Variants in NFASC observed in about 807,000 individuals in gnomAD.
NFASC encodes neurofascin.
NFASC carries 43 observed loss-of-function variants against 147.5 expected under a neutral mutation model. The ratio of observed to expected loss-of-function variants is 0.29; its 90% CI spans 0.23 to 0.38. NFASC has a LOEUF of 0.38. Ranked by LOEUF, NFASC falls within the 10% of genes least tolerant of loss-of-function variation. The pLI is 1.00. For synonymous variants in NFASC, 622 were observed against 665.5 expected, an observed-to-expected ratio of 0.93 and a Z score of 1.01; for missense variants, 1,320 against 1,689.0, an observed-to-expected ratio of 0.78 and a Z score of 3.83.
chr1:204,867,328 C>T (rs1009607456), intron 1 of NFASC, among the ~76,000 whole-genome samples: 3 of 152,012 alleles, frequency 2.0e-5, no homozygotes, highest in African/African-American at 7.3e-5. Flanking sequence ...CACAAACACA[C>T]ATACAGGAAC....
At chr1:204,830,314 G>A (rs949834613) in intron 1 of NFASC, among the ~76,000 whole-genome samples, 1 of 152,150 alleles carries the variant, frequency 6.6e-6, no homozygotes, top group Admixed American at 6.5e-5. Context: ...AATAGCCCAG[G>A]GAAAATGTGT....
At chr1:204,981,716 G>T in intron 20 of NFASC, 82 bp from the exon 21 acceptor site, 1 of 883,242 alleles carries the variant, frequency 1.1e-6, no homozygotes, top group East Asian at 2.8e-5. Context: ...AGGGATGCCT[G>T]GCACAGCAAG....
intron 2 of NFASC, among the ~76,000 whole-genome samples, chr1:204,940,696 A>G (rs2093304887): frequency 1.3e-5 from 2 of 152,176 alleles, no homozygotes; most frequent in South Asian, 4.1e-4. Flanking sequence ...CTATGGGATC[A>G]TTCCCTGTGA....
intron 8 of NFASC, among the ~76,000 whole-genome samples, chr1:204,959,480 G>A (rs2094567091): frequency 6.6e-6 from 1 of 152,262 alleles, no homozygotes; most frequent in South Asian, 2.1e-4. Context: ...GAAGGACAGT[G>A]TAGTCTGCCC....
intron 8 of NFASC, among the ~76,000 whole-genome samples, chr1:204,964,897 A>G (rs1161955492): frequency 6.6e-6 from 1 of 152,218 alleles, no homozygotes; most frequent in Non-Finnish European, 1.5e-5. Context: ...TGTTTCCTCA[A>G]AAGAGATGAT....
intron 1 of NFASC, among the ~76,000 whole-genome samples, chr1:204,863,755 G>A (rs527466368): frequency 6.2e-4 from 94 of 150,692 alleles, no homozygotes; most frequent in Non-Finnish European, 1.2e-3. Flanking sequence ...GCCTGAGCCA[G>A]AAGAATTGCT....
chr1:204,967,951 C>CCGAATCAT, intron 8 of NFASC: 1 of 312,078 alleles, frequency 3.2e-6, no homozygotes. Flanking sequence ...TCTCGCACTG[C>CCGAATCAT]TCAGACAGCC....
At chr1:204,887,527 G>A (rs1387120182) in intron 1 of NFASC, among the ~76,000 whole-genome samples, 2 of 147,192 alleles carry the variant, frequency 1.4e-5, no homozygotes, top group Non-Finnish European at 3.0e-5. Context: ...TGGATATGAT[G>A]TGGAATTGCT....
intron 1 of NFASC, among the ~76,000 whole-genome samples, chr1:204,861,646 C>T (rs559607700): frequency 2.0e-5 from 3 of 152,288 alleles, no homozygotes; most frequent in East Asian, 1.9e-4. Flanking sequence ...CCTGCCACCA[C>T]GCCCGGCTAA....
rs141464192 is a variant in NFASC, at chr1:204,872,441, C to T, written c.-200+43659C>T. 2.1e-4 allele frequency among the ~76,000 whole-genome samples: 32 copies of T among 152,280 alleles called. No homozygotes were observed. In the East Asian group the frequency reaches 5.8e-3, roughly 28 times the overall value. On this transcript the variant is annotated intron_variant, in intron 1 of 29. Transcript: ENST00000339876. The stretch of plus-strand genomic sequence containing the variant: ...AAGCATCTGCATGCTCCTGGGAGCA[C>T]TGTTTCTGTGGTTTATTGCTGGGCT...
Position 204,997,346 on chromosome 1 carries a change from GCCA to G in NFASC, c.2970_2972del (p.Thr991del), listed in dbSNP as rs1264011137. The G allele has an allele frequency of 2.6e-5, 40 of 1,561,326 alleles. No homozygotes were observed. Among genetic ancestry groups the G allele is most frequent in the Admixed American group, 3.9e-5 (2 of 51,676 alleles). On this transcript the variant is annotated inframe_deletion, in exon 25 of 30. Transcript: ENST00000339876. Reference sequence around the variant, plus strand: ...CACAACTACTACAACCACTGCTGCCGCCACCACCACCACGGAGAGTCCTCCCAC... The same window carrying G: ...CACAACTACTACAACCACTGCTGCCGCCACCACCACGGAGAGTCCTCCCAC...
At chr1:204,831,552 C>T (rs1027279475) in intron 1 of NFASC, among the ~76,000 whole-genome samples, 2 of 152,052 alleles carry the variant, frequency 1.3e-5, no homozygotes, top group African/African-American at 4.8e-5. Flanking sequence ...TCTTCTCCCT[C>T]AGGCTTTTTT....
chr1:204,945,492 G>GC (rs1369440669), intron 3 of NFASC, among the ~76,000 whole-genome samples: 1 of 150,924 alleles, frequency 6.6e-6, no homozygotes, highest in East Asian at 1.9e-4. Flanking sequence ...AGCCCTCCTG[G>GC]CACTCTACTT....
In NFASC at chr1:204,970,644, G is replaced by T; in HGVS notation, c.1032G>T (p.Lys344Asn). ...KAAPYWLDEPKNLILAPGEDG... is the reference protein window; with the variant it reads ...KAAPYWLDEPNNLILAPGEDG... ...CTCCCTACTGGCTGGACGAACCCAA[G>T]AACCTTATTCTGGCTCCTGGCGAGG... The change falls in exon 11 of 30, where the codon AAG (lysine) becomes AAT (asparagine). Residue 344 changes from lysine to asparagine, a missense_variant. Transcript: ENST00000339876. 6.2e-7 allele frequency: 1 copy of T among 1,614,128 alleles called. No individual in the cohort carries two copies. The highest frequency in any genetic ancestry group is 1.1e-5 in the South Asian group (1 of 91,074).
At chr1:205,002,862 C>G (rs1241426415) in intron 27 of NFASC, 114 bp downstream of exon 27, 4 of 807,664 alleles carry the variant, frequency 5.0e-6, no homozygotes, top group Non-Finnish European at 7.0e-6. Flanking sequence ...CACCCCATTT[C>G]CCACCTTGCA....
At chr1:204,976,650 C>A (rs759758846) in intron 15 of NFASC, 21 bp from the exon 16 acceptor site, 1 of 1,593,848 alleles carries the variant, frequency 6.3e-7, no homozygotes, top group South Asian at 1.1e-5. Flanking sequence ...TCCTCCCAAC[C>A]CTTCCTCGGT....
Position 204,874,562 on chromosome 1 carries a change from C to T in NFASC, c.-200+45780C>T, listed in dbSNP as rs78457706. ...GGTTCCCATTCCTGCACTTCCAACC[C>T]ACCATCCTGAATCTACTTCCCTCCA... On this transcript the variant is annotated intron_variant, in intron 1 of 29. Transcript: ENST00000339876. 8.2e-3 allele frequency among the ~76,000 whole-genome samples: 1,246 copies of T among 152,300 alleles called. 18 individuals carry two copies. Among genetic ancestry groups the T allele is most frequent in the Middle Eastern group, 0.031 (9 of 294 alleles).
rs747428799 is a variant in NFASC at position 204,978,959 on chromosome 1, T to C, written c.1877-9T>C. On this transcript the variant is annotated splice_polypyrimidine_tract_variant and intron_variant, in intron 17 of 29. Transcript: ENST00000339876. ...CTCAGGAGGCCTGCGTGGTGTCTTC[T>C]GCCACCAGGACGGCCAGACCGGCCC... is the stretch of plus-strand genomic sequence containing the variant. 2.4e-5 allele frequency: 37 copies of C among 1,548,264 alleles called. No homozygotes were observed. The highest frequency in any genetic ancestry group is 3.6e-5 in the South Asian group (3 of 83,888).
At chr1:204,830,191 C>G (rs185256121) in intron 1 of NFASC, among the ~76,000 whole-genome samples, 34 of 152,322 alleles carry the variant, frequency 2.2e-4, no homozygotes, top group African/African-American at 7.5e-4. Context: ...AGTCAAATCT[C>G]CAGCAAGGCA....
Sources: allele counts gnomAD v4.1 joint callset (sites outside exome capture counted in the v4.1 genomes callset), GRCh38; gene constraint gnomAD v4.1.1; transcripts MANE v1.5; gene names NCBI Gene and HGNC (gene_info 2026-07-23, HGNC 2026-07-21).